Variants in NCALD observed in about 807,000 individuals in gnomAD.
The protein encoded by NCALD is neurocalcin delta, also known as neurocalcin-delta.
A neutral mutation model predicts 18.6 loss-of-function variants in NCALD; 10 were observed. That is an observed-to-expected ratio of 0.54 (90% CI 0.33 to 0.91). The LOEUF (loss-of-function observed/expected upper bound fraction) is 0.91. NCALD is among the 40% of genes least tolerant of loss of function. The pLI is 0.03. For synonymous variants in NCALD, 88 were observed against 87.4 expected (o/e 1.01, Z -0.04); for missense variants, 184 against 247.6 (o/e 0.74, Z 1.72).
chr8:101,936,137 G>A (rs945609384), intron 2 of NCALD, among the ~76,000 whole-genome samples: 3 of 152,136 alleles, frequency 2.0e-5, no homozygotes, highest in African/African-American at 4.8e-5. Flanking sequence ...TTGAGGTTTG[G>A]TAGAGAAGAA....
intron 1 of NCALD, among the ~76,000 whole-genome samples, chr8:102,098,041 G>A (rs1461095699): frequency 6.6e-6 from 1 of 152,230 alleles, no homozygotes; most frequent in Non-Finnish European, 1.5e-5. Flanking sequence ...GTGGCATGAG[G>A]CAGTAAAATA....
At chr8:101,890,843 G>A (rs1185357121) in intron 3 of NCALD, among the ~76,000 whole-genome samples, 3 of 152,176 alleles carry the variant, frequency 2.0e-5, no homozygotes, top group Non-Finnish European at 2.9e-5. Flanking sequence ...TTTCCCAGAA[G>A]ACATGCACAA....
At chr8:101,892,647 C>A (rs1049804731) in intron 3 of NCALD, among the ~76,000 whole-genome samples, 1 of 149,650 alleles carries the variant, frequency 6.7e-6, no homozygotes, top group South Asian at 2.1e-4. Context: ...ACTAGAATAA[C>A]CAATACAGAG....
chr8:101,931,477 G>A (rs1818569543), intron 2 of NCALD, among the ~76,000 whole-genome samples: 1 of 152,174 alleles, frequency 6.6e-6, no homozygotes, highest in South Asian at 2.1e-4. Flanking sequence ...AAAGAAGCCT[G>A]GACTGGACAC....
At chr8:102,040,016 A>T (rs1308049520) in intron 1 of NCALD, among the ~76,000 whole-genome samples, 1 of 152,200 alleles carries the variant, frequency 6.6e-6, no homozygotes, top group Non-Finnish European at 1.5e-5. Flanking sequence ...ATTTTTCTTT[A>T]CATATTATGT....
At chr8:101,981,990 G>A (rs113688671) in intron 2 of NCALD, among the ~76,000 whole-genome samples, 313 of 152,192 alleles carry the variant, frequency 2.1e-3, no homozygotes, top group Non-Finnish European at 3.5e-3. Flanking sequence ...GAGTTCTCCC[G>A]CTGAGTTCAC....
At position 102,058,219 on chromosome 8, in the gene NCALD, C is replaced by G. The variant is rs192323681; in HGVS notation, c.-209-37930G>C. On this transcript the variant is annotated intron_variant, in intron 1 of 6. Coordinates refer to the NCALD transcript ENST00000311028. ...ATTTTACCGCACAGGGACACTGTGTCCATCCTGAATGCACCCCTCAGGCAA... is the reference window on the plus strand; with the variant it reads ...ATTTTACCGCACAGGGACACTGTGTGCATCCTGAATGCACCCCTCAGGCAA... Among the ~76,000 whole-genome samples, 18 of 152,292 alleles carry G rather than the reference C, an allele frequency of 1.2e-4. No homozygotes were observed. In the East Asian group the frequency reaches 3.3e-3, roughly 28 times the overall value.
chr8:101,946,580 G>C (rs564071898), intron 2 of NCALD, among the ~76,000 whole-genome samples: 8 of 151,912 alleles, frequency 5.3e-5, no homozygotes, highest in Admixed American at 5.2e-4. Flanking sequence ...ATTTTCAATT[G>C]AGCCCTATCA....
chr8:101,991,506 G>A (rs1210185131), intron 2 of NCALD, among the ~76,000 whole-genome samples: 2 of 152,164 alleles, frequency 1.3e-5, no homozygotes, highest in African/African-American at 2.4e-5. Flanking sequence ...GAAGGATTCA[G>A]AAGGTTACAA....
At chr8:101,987,588 A>G (rs913066816) in intron 2 of NCALD, among the ~76,000 whole-genome samples, 3 of 152,180 alleles carry the variant, frequency 2.0e-5, no homozygotes, top group African/African-American at 7.2e-5. Context: ...GGATGTGTAC[A>G]TTTACTTGAG....
intron 2 of NCALD, among the ~76,000 whole-genome samples, chr8:101,709,654 T>C (rs768179829): frequency 1.3e-5 from 2 of 152,190 alleles, no homozygotes; most frequent in Non-Finnish European, 2.9e-5. Flanking sequence ...TAAGCATTTA[T>C]GGTAGAATCA....
intron 4 of NCALD, among the ~76,000 whole-genome samples, chr8:101,818,087 G>A (rs1393781519): frequency 1.3e-5 from 2 of 152,014 alleles, no homozygotes; most frequent in Admixed American, 6.6e-5. Context: ...AAGTATTTGG[G>A]CTCAGAAATA....
At chr8:101,702,704 G>A (rs975946585) in intron 2 of NCALD, among the ~76,000 whole-genome samples, 2 of 152,236 alleles carry the variant, frequency 1.3e-5, no homozygotes, top group Admixed American at 6.5e-5. Context: ...GTTCTGTGGT[G>A]CGCAACGGCA....
chr8:101,880,627 A>G (rs1816454742), intron 4 of NCALD, among the ~76,000 whole-genome samples: 1 of 152,266 alleles, frequency 6.6e-6, no homozygotes, highest in Admixed American at 6.5e-5. Context: ...AAGTTTTTCA[A>G]AAATTGAATT....
At chr8:101,734,584 C>T (rs139226955) in intron 1 of NCALD, among the ~76,000 whole-genome samples, 243 of 152,236 alleles carry the variant, frequency 1.6e-3, no homozygotes, top group Middle Eastern at 6.8e-3. Context: ...TTTGCTGTGG[C>T]GCCAGCATCC....
At chr8:102,089,007 T>G (rs1824835611) in intron 1 of NCALD, among the ~76,000 whole-genome samples, 1 of 152,184 alleles carries the variant, frequency 6.6e-6, no homozygotes, top group Non-Finnish European at 1.5e-5. Context: ...GGGGGAGCTA[T>G]TTTGCCTTCC....
intron 4 of NCALD, among the ~76,000 whole-genome samples, chr8:101,882,456 C>T (rs1816526427): frequency 6.6e-6 from 1 of 152,172 alleles, no homozygotes; most frequent in Non-Finnish European, 1.5e-5. Context: ...CCTCGACAGA[C>T]ACCGAATCTG....
intron 2 of NCALD, among the ~76,000 whole-genome samples, chr8:101,922,629 G>A (rs1804773509): frequency 6.6e-6 from 1 of 152,108 alleles, no homozygotes; most frequent in Non-Finnish European, 1.5e-5. Context: ...GAATTTTTGT[G>A]TCTTTACAGA....
At chr8:101,727,104 G>T (rs192685465) in intron 1 of NCALD, among the ~76,000 whole-genome samples, 1 of 152,262 alleles carries the variant, frequency 6.6e-6, no homozygotes, top group African/African-American at 2.4e-5. Context: ...AGTAAGAATT[G>T]GAGCTCTTGG....
Sources: allele counts gnomAD v4.1 joint callset (sites outside exome capture counted in the v4.1 genomes callset), GRCh38; gene constraint gnomAD v4.1.1; transcripts MANE v1.5; gene names NCBI Gene and HGNC (gene_info 2026-07-23, HGNC 2026-07-21).